Variants in GALNTL6 observed in about 807,000 individuals in gnomAD.
The protein encoded by GALNTL6 is polypeptide N-acetylgalactosaminyltransferase like 6.
GALNTL6 carries 46 observed loss-of-function variants against 73.7 expected under a neutral mutation model. The observed-to-expected ratio is 0.62, with a 90% confidence interval of 0.49 to 0.80. The LOEUF (loss-of-function observed/expected upper bound fraction) is 0.80, where lower values mean the gene tolerates loss of function less well. Ranked by LOEUF, GALNTL6 falls within the 30% of genes least tolerant of loss-of-function variation. The pLI is 0.00. For synonymous variants in GALNTL6, 259 were observed against 263.7 expected (o/e 0.98, Z 0.17); for missense variants, 604 against 755.0 (o/e 0.80, Z 2.34).
intron 2 of GALNTL6, among the ~76,000 whole-genome samples, chr4:172,135,191 G>T (rs1489840457): frequency 6.6e-6 from 1 of 151,940 alleles, no homozygotes; most frequent in Non-Finnish European, 1.5e-5. Flanking sequence ...TTATAATTTT[G>T]ATATATTAGT....
chr4:171,992,862 A>C (rs1338074793), intron 2 of GALNTL6, among the ~76,000 whole-genome samples: 1 of 152,062 alleles, frequency 6.6e-6, no homozygotes, highest in East Asian at 1.9e-4. Context: ...GAAGTGTCTT[A>C]AGAAAATGAT....
In GALNTL6 at chr4:172,355,907, C is replaced by T. The variant is rs180894869; in HGVS notation, c.553+7218C>T. Among the ~76,000 whole-genome samples, 28 of 152,184 alleles carry T rather than the reference C, an allele frequency of 1.8e-4. 1 individual carries two copies. Among genetic ancestry groups the T allele is most frequent in the African/African-American group, 5.8e-4 (24 of 41,542 alleles). ...CAGTTTTCATATATTTCAATGTTTA[C>T]GACCAAGCATCTTAAAATCTACCTA... On this transcript the variant is annotated intron_variant, in intron 5 of 12. Transcript: ENST00000506823.
chr4:172,084,990 T>TA (rs1423687013), intron 2 of GALNTL6, among the ~76,000 whole-genome samples: 9 of 152,284 alleles, frequency 5.9e-5, no homozygotes, highest in African/African-American at 1.9e-4. Flanking sequence ...CTGAGTTTCT[T>TA]AAAGATGTGA....
chr4:172,623,905 G>C (rs2111077535), intron 5 of GALNTL6, among the ~76,000 whole-genome samples: 1 of 152,138 alleles, frequency 6.6e-6, no homozygotes, highest in African/African-American at 2.4e-5. Flanking sequence ...TTATTCATGA[G>C]ATATTTTACA....
chr4:172,195,793 TAA>T (rs1044104175), intron 2 of GALNTL6, among the ~76,000 whole-genome samples: 8 of 152,150 alleles, frequency 5.3e-5, no homozygotes, highest in African/African-American at 1.7e-4. Flanking sequence ...AAAGCAGTGT[TAA>T]GAGGAAAATT....
intron 4 of GALNTL6, among the ~76,000 whole-genome samples, chr4:172,321,356 T>C (rs79283662): frequency 0.029 from 4,395 of 152,234 alleles, 92 homozygotes; most frequent in Middle Eastern, 0.078. Flanking sequence ...GTTGCTAAAA[T>C]ATATCATCTG....
At chr4:172,798,722 C>G (rs1740427704) in intron 5 of GALNTL6, among the ~76,000 whole-genome samples, 1 of 152,108 alleles carries the variant, frequency 6.6e-6, no homozygotes, top group Non-Finnish European at 1.5e-5. Flanking sequence ...CAGCGGTTAA[C>G]AGTAAAACAG....
chr4:172,559,753 G>C (rs1736285950), intron 5 of GALNTL6, among the ~76,000 whole-genome samples: 1 of 152,152 alleles, frequency 6.6e-6, no homozygotes, highest in Non-Finnish European at 1.5e-5. Flanking sequence ...GTGGCTAAAA[G>C]TAATTATTCC....
chr4:172,591,909 A>G (rs1737652060), intron 5 of GALNTL6, among the ~76,000 whole-genome samples: 1 of 152,174 alleles, frequency 6.6e-6, no homozygotes, highest in African/African-American at 2.4e-5. Context: ...CAATTCCTAG[A>G]AAAACCCTAC....
chr4:172,884,298 G>A (rs1284532376), intron 8 of GALNTL6, among the ~76,000 whole-genome samples: 4 of 152,012 alleles, frequency 2.6e-5, no homozygotes, highest in Non-Finnish European at 5.9e-5. Context: ...TTTTGTCTTT[G>A]AGATAATAGC....
rs117360096 is a variant in GALNTL6 at position 172,975,368 on chromosome 4, C to T, written c.1371+23110C>T. On this transcript the variant is annotated intron_variant, in intron 10 of 12. Transcript: ENST00000506823. ...AGTTGAGGAGACCAGAATTGGGTAG[C>T]TCCTTCCCACAGCTGGTAGTCCCCA... 3.6e-4 allele frequency among the ~76,000 whole-genome samples: 55 copies of T among 152,316 alleles called. No homozygotes were observed. In the East Asian group the frequency reaches 0.01, roughly 28 times the overall value.
At chr4:172,092,056 ATTTG>A (rs752072288) in intron 2 of GALNTL6, among the ~76,000 whole-genome samples, 57 of 152,072 alleles carry the variant, frequency 3.7e-4, no homozygotes, top group Non-Finnish European at 7.4e-4. Context: ...GTATTTCTGT[ATTTG>A]TTACAGATTT....
chr4:172,796,963 G>A (rs1052818362), intron 5 of GALNTL6, among the ~76,000 whole-genome samples: 1 of 151,982 alleles, frequency 6.6e-6, no homozygotes, highest in African/African-American at 2.4e-5. Context: ...AGGTCTTCAC[G>A]GCTGTTCTTG....
At chr4:171,873,079 A>G (rs1220028896) in intron 2 of GALNTL6, among the ~76,000 whole-genome samples, 1 of 152,334 alleles carries the variant, frequency 6.6e-6, no homozygotes. Context: ...GCTCAAGGCC[A>G]GCATTTAATA....
At chr4:172,245,617 T>C (rs1422875078) in intron 3 of GALNTL6, among the ~76,000 whole-genome samples, 3 of 152,154 alleles carry the variant, frequency 2.0e-5, no homozygotes, top group African/African-American at 7.2e-5. Flanking sequence ...GCCCAGATTA[T>C]CATTAAAGCA....
intron 9 of GALNTL6, among the ~76,000 whole-genome samples, chr4:172,942,545 A>AATGTTC (rs1357133818): frequency 2.0e-5 from 3 of 152,190 alleles, no homozygotes; most frequent in Admixed American, 6.5e-5. Context: ...CATTGGCTTG[A>AATGTTC]TTACCAGGAA....
At chr4:172,088,429 C>A (rs1732110264) in intron 2 of GALNTL6, among the ~76,000 whole-genome samples, 1 of 152,078 alleles carries the variant, frequency 6.6e-6, no homozygotes, top group Non-Finnish European at 1.5e-5. Flanking sequence ...AAAATGATTA[C>A]CCAGTAACTC....
intron 2 of GALNTL6, among the ~76,000 whole-genome samples, chr4:172,039,934 CA>C (rs202133348): frequency 3.4e-4 from 49 of 145,924 alleles, no homozygotes; most frequent in Middle Eastern, 6.9e-3. Context: ...AACTTCAGGG[CA>C]AAAAAAAAAT....
chr4:173,012,492 C>T (rs1263119119), intron 11 of GALNTL6, among the ~76,000 whole-genome samples: 1 of 152,206 alleles, frequency 6.6e-6, no homozygotes, highest in South Asian at 2.1e-4. Flanking sequence ...TCTTTGAACC[C>T]TCTCCCCACA....
Sources: allele counts gnomAD v4.1 joint callset (sites outside exome capture counted in the v4.1 genomes callset), GRCh38; gene constraint gnomAD v4.1.1; transcripts MANE v1.5; gene names NCBI Gene and HGNC (gene_info 2026-07-23, HGNC 2026-07-21).